Variants in LPP observed in about 807,000 individuals in gnomAD.
LPP encodes the protein LIM domain containing preferred translocation partner in lipoma, also known as lipoma-preferred partner.
Under a neutral mutation model 60.4 loss-of-function variants are expected in LPP, and 38 were observed. The observed-to-expected ratio is 0.63, with a 90% CI of 0.49 to 0.83. The LOEUF is 0.83. LPP is among the 40% of genes least tolerant of loss of function. The probability of loss-of-function intolerance (pLI) is 0.00; values close to 1 mark genes in which losing one functional copy is unlikely to be tolerated. For missense variants in LPP, 902 were observed against 783.6 expected, an observed-to-expected ratio of 1.15 and a Z score of -1.80; for synonymous variants, 328 against 290.8, an observed-to-expected ratio of 1.13 and a Z score of -1.30.
chr3:188,613,834 T>C lies in LPP; in HGVS notation c.1113+3990T>C, dbSNP rs148857302. Among the ~76,000 whole-genome samples the C allele has an allele frequency of 8.5e-3, 1,287 of 152,116 alleles. 17 individuals are homozygous for C. Among genetic ancestry groups the C allele is most frequent in the African/African-American group, 0.029 (1,202 of 41,516 alleles). On this transcript the variant is annotated intron_variant, in intron 7 of 11. Coordinates refer to ENST00000617246, the MANE Select transcript of LPP (RefSeq NM_001375462.1). ...TAAGATCTGTAATTTCTGTTAAGATTAAGGAAACAGAGAATGTTCATACAC... is the reference window on the plus strand; with the variant it reads ...TAAGATCTGTAATTTCTGTTAAGATCAAGGAAACAGAGAATGTTCATACAC...
intron 4 of LPP, among the ~76,000 whole-genome samples, chr3:188,474,934 T>C (rs1378240093): frequency 6.6e-6 from 1 of 152,228 alleles, no homozygotes; most frequent in Non-Finnish European, 1.5e-5. Context: ...AAACAAATGA[T>C]ACTTGGTGGA....
chr3:188,796,274 A>C (rs1044758406), intron 9 of LPP, among the ~76,000 whole-genome samples: 3 of 152,192 alleles, frequency 2.0e-5, no homozygotes, highest in African/African-American at 7.2e-5. Flanking sequence ...TGATTTGAGG[A>C]ACTGAAAGAA....
At chr3:188,726,606 T>C (rs1398452190) in intron 8 of LPP, among the ~76,000 whole-genome samples, 2 of 152,042 alleles carry the variant, frequency 1.3e-5, no homozygotes, top group East Asian at 3.9e-4. Flanking sequence ...GGATAGTGAG[T>C]GATACAGTGG....
intron 5 of LPP, among the ~76,000 whole-genome samples, chr3:188,499,651 A>G (rs767995293): frequency 1.3e-5 from 2 of 152,102 alleles, no homozygotes; most frequent in Non-Finnish European, 1.5e-5. Flanking sequence ...AAAAAATGTC[A>G]CTGGGATTTT....
intron 2 of LPP, among the ~76,000 whole-genome samples, chr3:188,255,772 G>C (rs1478950568): frequency 6.6e-6 from 1 of 152,070 alleles, no homozygotes; most frequent in Non-Finnish European, 1.5e-5. Context: ...CACTGACTTT[G>C]GTTTTTGCCT....
rs1299472038 is a variant in LPP, at chr3:188,874,384, C to A, written c.1744C>A (p.Gln582Lys). The change falls in exon 12 of 12, where the codon CAA (glutamine) becomes AAA (lysine). Residue 582 changes from glutamine to lysine, a missense_variant. Physicochemically the swap from Gln to Lys is moderately conservative, Grantham distance 53. Coordinates refer to ENST00000617246, the MANE Select transcript of LPP (RefSeq NM_001375462.1). ...TGGTCTCCTGTCTGAAGGAGATAAC[C>A]AAGGCTGCTACCCCTTGGATGGGCA... The part of the protein sequence containing the change: ...CGGLLSEGDN[Q>K]GCYPLDGHIL... 6.2e-7 allele frequency: 1 copy of A among 1,614,008 alleles called. No individual in the cohort carries two copies. Among genetic ancestry groups the A allele is most frequent in the Admixed American group, 1.7e-5 (1 of 60,014 alleles).
At chr3:188,636,784 C>T (rs1192653767) in intron 7 of LPP, among the ~76,000 whole-genome samples, 1 of 151,922 alleles carries the variant, frequency 6.6e-6, no homozygotes, top group African/African-American at 2.4e-5. Flanking sequence ...GGAGGCACCC[C>T]CCTGCAGGGG....
chr3:188,729,197 G>A (rs1719530338), intron 8 of LPP, among the ~76,000 whole-genome samples: 1 of 152,204 alleles, frequency 6.6e-6, no homozygotes. Context: ...ATGGTATTCT[G>A]GGAACAGGAA....
chr3:188,607,085 A>G (rs1842525089), intron 6 of LPP, among the ~76,000 whole-genome samples: 2 of 143,430 alleles, frequency 1.4e-5, no homozygotes, highest in Non-Finnish European at 3.0e-5. Flanking sequence ...TTTTTTTATA[A>G]GTTTCTTCTT....
At chr3:188,464,473 G>A (rs1436527349) in intron 4 of LPP, among the ~76,000 whole-genome samples, 1 of 152,186 alleles carries the variant, frequency 6.6e-6, no homozygotes. Flanking sequence ...AAGTTCTGTG[G>A]TGCAGTGTCC....
intron 2 of LPP, chr3:188,247,254 T>G (rs1469885470): frequency 4.4e-5 from 37 of 831,688 alleles, no homozygotes; most frequent in Non-Finnish European, 5.4e-5. Context: ...GCAGGGCACT[T>G]TAGTGGGAAA....
intron 7 of LPP, among the ~76,000 whole-genome samples, chr3:188,626,427 G>T (rs990951426): frequency 3.1e-4 from 47 of 152,118 alleles, no homozygotes; most frequent in African/African-American, 1.1e-3. Context: ...TTTGGCATCT[G>T]CATGGAGTCC....
At chr3:188,634,624 C>T (rs1243898576) in intron 7 of LPP, among the ~76,000 whole-genome samples, 5 of 152,186 alleles carry the variant, frequency 3.3e-5, no homozygotes, top group Admixed American at 2.6e-4. Context: ...ATTGGATTCT[C>T]ATAGGAGCGT....
intron 8 of LPP, among the ~76,000 whole-genome samples, chr3:188,747,719 T>C (rs1480952057): frequency 6.6e-6 from 1 of 152,220 alleles, no homozygotes; most frequent in Non-Finnish European, 1.5e-5. Context: ...ACATACTGTG[T>C]GCACACATAT....
chr3:188,808,540 T>C (rs1749881554), intron 9 of LPP, among the ~76,000 whole-genome samples: 1 of 152,118 alleles, frequency 6.6e-6, no homozygotes, highest in African/African-American at 2.4e-5. Flanking sequence ...GCTGAAGACC[T>C]TTATTCCAAA....
At chr3:188,756,930 GGC>G (rs1730460434) in intron 8 of LPP, among the ~76,000 whole-genome samples, 1 of 152,202 alleles carries the variant, frequency 6.6e-6, no homozygotes, top group East Asian at 1.9e-4. Flanking sequence ...TAGCTGAGAA[GGC>G]AATTCCGTGT....
intron 6 of LPP, among the ~76,000 whole-genome samples, chr3:188,527,032 G>A (rs1383104844): frequency 2.0e-5 from 3 of 152,150 alleles, no homozygotes; most frequent in African/African-American, 7.2e-5. Flanking sequence ...GACAGCAGCA[G>A]GGAGTAGCCT....
intron 6 of LPP, among the ~76,000 whole-genome samples, chr3:188,553,052 C>T (rs1248434498): frequency 6.6e-6 from 1 of 152,116 alleles, no homozygotes; most frequent in Non-Finnish European, 1.5e-5. Context: ...TGAAGTTATT[C>T]TGATGGCCAT....
At chr3:188,749,747 G>A (rs1486166019) in intron 8 of LPP, among the ~76,000 whole-genome samples, 1 of 152,158 alleles carries the variant, frequency 6.6e-6, no homozygotes, top group Non-Finnish European at 1.5e-5. Context: ...TGAGAATATA[G>A]AAATTATGAA....
Sources: allele counts gnomAD v4.1 joint callset (sites outside exome capture counted in the v4.1 genomes callset), GRCh38; gene constraint gnomAD v4.1.1; transcripts MANE v1.5; gene names NCBI Gene and HGNC (gene_info 2026-07-23, HGNC 2026-07-21).